The following MECOM variants were observed in gnomAD, a reference collection of about 807,000 sequenced individuals.
MECOM encodes the protein histone-lysine N-methyltransferase MECOM.
In MECOM, 13 loss-of-function variants were observed where a neutral mutation model predicts 116.3. The observed-to-expected ratio is 0.11, with a 90% CI of 0.07 to 0.18. The LOEUF (loss-of-function observed/expected upper bound fraction) is 0.18. Among genes scored for constraint, MECOM ranks in the 10% least tolerant of loss-of-function variants. The pLI, the probability that MECOM is intolerant of heterozygous loss-of-function variation, is 1.00. For missense variants in MECOM, 1,299 were observed against 1,509.0 expected (o/e 0.86, Z 2.31); for synonymous variants, 528 against 535.2 (o/e 0.99, Z 0.19).
At chr3:169,402,591 G>T (rs1176953942) in intron 1 of MECOM, among the ~76,000 whole-genome samples, 2 of 152,144 alleles carry the variant, frequency 1.3e-5, no homozygotes, top group Non-Finnish European at 2.9e-5. Context: ...TGGAGACAGA[G>T]GTTGCAGTGA....
chr3:169,147,273 C>T (rs1346030604), intron 2 of MECOM: 32 of 985,390 alleles, frequency 3.2e-5, no homozygotes, highest in Non-Finnish European at 3.9e-5. Flanking sequence ...GCGAGGGGAG[C>T]TCTATCCCCC....
intron 2 of MECOM, among the ~76,000 whole-genome samples, chr3:169,205,773 T>C (rs1237322662): frequency 1.3e-5 from 2 of 152,190 alleles, no homozygotes; most frequent in Non-Finnish European, 2.9e-5. Flanking sequence ...AGTGTTAGAA[T>C]TGAATGAATT....
At position 169,319,838 on chromosome 3, in the gene MECOM, G is replaced by T. The variant is rs535288220; in HGVS notation, c.375+61349C>A. ...AGGTATAACATGACTGTGGACACAT[G>T]GGTGATAGAACCTCAACCAGTTAAC... On this transcript the variant is annotated intron_variant, in intron 2 of 16. Coordinates refer to ENST00000651503, the MANE Select transcript of MECOM (RefSeq NM_004991.4). Among the ~76,000 whole-genome samples the T allele has an allele frequency of 1.1e-3, 170 of 152,204 alleles. 8 individuals carry two copies. The highest frequency in any genetic ancestry group is 9.0e-4 in the Non-Finnish European group (61 of 68,042).
At chr3:169,414,165 C>A (rs1738119162) in intron 1 of MECOM, among the ~76,000 whole-genome samples, 1 of 152,136 alleles carries the variant, frequency 6.6e-6, no homozygotes, top group African/African-American at 2.4e-5. Flanking sequence ...TGGGTGCCCC[C>A]CTGGTATGAA....
chr3:169,420,999 A>G (rs1352040653), intron 1 of MECOM, among the ~76,000 whole-genome samples: 1 of 152,146 alleles, frequency 6.6e-6, no homozygotes, highest in Non-Finnish European at 1.5e-5. Flanking sequence ...TAGTAGGCAC[A>G]TTTGGCAATG....
intron 2 of MECOM, among the ~76,000 whole-genome samples, chr3:169,360,664 T>C (rs535293207): frequency 6.6e-6 from 1 of 151,884 alleles, no homozygotes; most frequent in South Asian, 2.1e-4. Flanking sequence ...TAACAGGCCA[T>C]TGATGGAGAA....
At chr3:169,397,809 AG>A (rs924521039) in intron 1 of MECOM, among the ~76,000 whole-genome samples, 2 of 152,224 alleles carry the variant, frequency 1.3e-5, no homozygotes, top group African/African-American at 2.4e-5. Context: ...GTGGGTAAAA[AG>A]GTTGAATTGT....
chr3:169,429,077 T>C lies in MECOM; in HGVS notation c.38-47553A>G, dbSNP rs115738716. 2.4e-3 allele frequency among the ~76,000 whole-genome samples: 367 copies of C among 152,316 alleles called. 1 individual carries two copies. Among genetic ancestry groups the C allele is most frequent in the African/African-American group, 8.6e-3 (357 of 41,572 alleles). On this transcript the variant is annotated intron_variant, in intron 1 of 16. Coordinates refer to ENST00000651503, the MANE Select transcript of MECOM (RefSeq NM_004991.4). ...ATTTTAGCTAAGGATATACAAAAGA[T>C]ATCATGAGTGTCAGTTGAAATGAGA...
intron 1 of MECOM, among the ~76,000 whole-genome samples, chr3:169,520,295 A>G (rs1034190349): frequency 6.6e-6 from 1 of 152,202 alleles, no homozygotes; most frequent in Non-Finnish European, 1.5e-5. Flanking sequence ...AGTAAATTTG[A>G]ATTGGGCATT....
At chr3:169,273,654 G>A (rs1032540710) in intron 2 of MECOM, among the ~76,000 whole-genome samples, 4 of 152,082 alleles carry the variant, frequency 2.6e-5, no homozygotes, top group South Asian at 2.1e-4. Flanking sequence ...TGAAGACTAG[G>A]GTGTATGCAG....
intron 1 of MECOM, among the ~76,000 whole-genome samples, chr3:169,637,168 T>C (rs1391780742): frequency 1.3e-5 from 2 of 152,104 alleles, no homozygotes; most frequent in Non-Finnish European, 2.9e-5. Flanking sequence ...CTCAAGAACC[T>C]CAACTGAACT....
chr3:169,411,906 G>A (rs763906677), intron 1 of MECOM, among the ~76,000 whole-genome samples: 5 of 151,854 alleles, frequency 3.3e-5, no homozygotes, highest in Non-Finnish European at 7.4e-5. Context: ...CAGGAGAATC[G>A]CTTGAACCCG....
intron 2 of MECOM, among the ~76,000 whole-genome samples, chr3:169,202,607 T>C (rs1039619549): frequency 4.6e-5 from 7 of 152,066 alleles, no homozygotes; most frequent in Admixed American, 1.3e-4. Flanking sequence ...ATCCCTGAGA[T>C]AATGTACAGA....
At chr3:169,652,528 A>G (rs981118141) in intron 1 of MECOM, among the ~76,000 whole-genome samples, 1 of 152,126 alleles carries the variant, frequency 6.6e-6, no homozygotes, top group Non-Finnish European at 1.5e-5. Context: ...TCAGGACTTG[A>G]GGATAGTTGT....
chr3:169,537,677 G>A (rs1250859046), intron 1 of MECOM, among the ~76,000 whole-genome samples: 2 of 149,288 alleles, frequency 1.3e-5, no homozygotes, highest in Admixed American at 6.7e-5. Flanking sequence ...CAGAAAGTGA[G>A]TATCTTAGAT....
intron 1 of MECOM, among the ~76,000 whole-genome samples, chr3:169,524,513 T>C (rs1258202502): frequency 6.6e-6 from 1 of 152,234 alleles, no homozygotes; most frequent in Admixed American, 6.5e-5. Flanking sequence ...CATCAGTCTA[T>C]GTTCTTCACA....
chr3:169,149,344 C>A (rs780338037), intron 2 of MECOM: 202 of 173,080 alleles, frequency 1.2e-3, no homozygotes, highest in Admixed American at 2.2e-3. Context: ...AACAAAAGGT[C>A]GTCTGGAATC....
chr3:169,480,546 T>G (rs1381154073), intron 1 of MECOM, among the ~76,000 whole-genome samples: 1 of 152,174 alleles, frequency 6.6e-6, no homozygotes, highest in African/African-American at 2.4e-5. Flanking sequence ...TTATAATACC[T>G]CTTTACGTAA....
intron 1 of MECOM, among the ~76,000 whole-genome samples, chr3:169,659,548 T>G (rs1299696473): frequency 7.3e-6 from 1 of 136,362 alleles, no homozygotes; most frequent in Non-Finnish European, 1.5e-5. Flanking sequence ...TAAGCCCGGG[T>G]AATGGTCAAG....
Sources: gnomAD v4.1 joint callset for allele counts (sites outside exome capture counted in the v4.1 genomes callset) on GRCh38, gnomAD v4.1.1 for gene constraint, MANE v1.5 for transcripts, NCBI Gene and HGNC (gene_info 2026-07-23, HGNC 2026-07-21) for gene names.